PSD3: variants seen among roughly 807,000 people sequenced by gnomAD.
PSD3 encodes pleckstrin and Sec7 domain containing 3.
Under a neutral mutation model 105.5 loss-of-function variants are expected in PSD3, and 49 were observed. The ratio of observed to expected loss-of-function variants is 0.46; its 90% CI spans 0.37 to 0.59. PSD3 has a LOEUF of 0.59. Among genes scored for constraint, PSD3 ranks in the 20% least tolerant of loss-of-function variants. The pLI, the probability that PSD3 is intolerant of heterozygous loss-of-function variation, is 0.00. For missense variants in PSD3, 1,561 were observed against 1,263.8 expected (o/e 1.24, Z -3.57); for synonymous variants, 557 against 457.8 (o/e 1.22, Z -2.77).
rs193085705 is a variant in PSD3, at chr8:18,867,441, T to C, written c.1634+233A>G. 1.5e-3 allele frequency among the ~76,000 whole-genome samples: 225 copies of C among 152,310 alleles called. 2 individuals are homozygous for C. The highest frequency in any genetic ancestry group is 2.5e-3 in the Non-Finnish European group (167 of 68,034). ...ATATTTGTTTGGTATCCAATTTATA[T>C]ATAGTCATCCAGGAAATCCCACAGA... On this transcript the variant is annotated intron_variant, in intron 4 of 15. Coordinates refer to ENST00000327040, the MANE Select transcript of PSD3 (RefSeq NM_015310.4).
In PSD3 at chr8:18,810,513, C is replaced by T. The variant is rs200265706; in HGVS notation, c.1635-5615G>A. On this transcript the variant is annotated intron_variant, in intron 4 of 15. Transcript: ENST00000327040. ...ACAGTATACTATTGCCCGTTTCATACAGGCAATAGTATACTTTGAATTTAA... is the reference window on the plus strand; with the variant it reads ...ACAGTATACTATTGCCCGTTTCATATAGGCAATAGTATACTTTGAATTTAA... Among the ~76,000 whole-genome samples, 3 of 152,056 alleles carry T rather than the reference C, an allele frequency of 2.0e-5. No homozygotes were observed. In the East Asian group the frequency reaches 5.8e-4, roughly 29 times the overall value.
intron 9 of PSD3, among the ~76,000 whole-genome samples, chr8:18,762,160 G>C (rs971122928): frequency 6.6e-6 from 1 of 152,148 alleles, no homozygotes; most frequent in Non-Finnish European, 1.5e-5. Context: ...TGGATCAGGA[G>C]GGCGGAGCTC....
At chr8:19,001,102 A>AAT (rs1826359107) in intron 1 of PSD3, 1 of 48,314 alleles carries the variant, frequency 2.1e-5, no homozygotes, top group Admixed American at 2.9e-4. Flanking sequence ...TTTTAAAATG[A>AAT]CTTTTTTTTT....
At chr8:19,084,425 C>A (rs1451643875) in exon 1 of PSD3, 1 of 456,062 alleles carries the variant, frequency 2.2e-6, no homozygotes, top group Non-Finnish European at 4.4e-6. Context: ...GGGAGCATCC[C>A]AAGGCATCCC....
chr8:18,861,341 AG>A (rs138230615), intron 4 of PSD3, among the ~76,000 whole-genome samples: 4,077 of 152,178 alleles, frequency 0.027, 190 homozygotes, highest in African/African-American at 0.093. Flanking sequence ...CTCCTGTGTG[AG>A]CCCCTCCTCA....
intron 11 of PSD3, among the ~76,000 whole-genome samples, chr8:18,613,153 C>T (rs550241312): frequency 6.6e-6 from 1 of 152,184 alleles, no homozygotes; most frequent in South Asian, 2.1e-4. Context: ...CAGGAGGCAG[C>T]CAAGGACCCC....
intron 4 of PSD3, among the ~76,000 whole-genome samples, chr8:18,856,933 T>G (rs924685132): frequency 1.3e-5 from 2 of 152,214 alleles, no homozygotes; most frequent in East Asian, 3.8e-4. Context: ...AGTAAATGAC[T>G]TAGACAGAGA....
At chr8:18,716,936 G>T (rs1356847321) in intron 9 of PSD3, among the ~76,000 whole-genome samples, 1 of 152,184 alleles carries the variant, frequency 6.6e-6, no homozygotes, top group African/African-American at 2.4e-5. Flanking sequence ...AGTAGCCAAA[G>T]GTAGCAGGCC....
At chr8:18,942,594 T>C (rs1488747678) in intron 1 of PSD3, among the ~76,000 whole-genome samples, 2 of 152,072 alleles carry the variant, frequency 1.3e-5, no homozygotes, top group African/African-American at 4.8e-5. Context: ...ATCAGTAGAG[T>C]GTGTCCTAAC....
intron 4 of PSD3, among the ~76,000 whole-genome samples, chr8:18,836,209 C>CA (rs1043628338): frequency 5.9e-5 from 9 of 152,284 alleles, no homozygotes; most frequent in East Asian, 1.9e-4. Context: ...ACCCTGAACT[C>CA]ACGTTTGATG....
chr8:18,552,832 C>T (rs1800853929), intron 15 of PSD3, among the ~76,000 whole-genome samples: 2 of 152,102 alleles, frequency 1.3e-5, no homozygotes, highest in Admixed American at 6.5e-5. Context: ...AGTAACATCC[C>T]TTCGCTTAGA....
At chr8:19,028,383 CT>C (rs1827642444) in intron 1 of PSD3, among the ~76,000 whole-genome samples, 1 of 138,110 alleles carries the variant, frequency 7.2e-6, no homozygotes, top group Non-Finnish European at 1.5e-5. Context: ...GTTGGAGTCT[CT>C]CTCTGTTGTC....
intron 11 of PSD3, among the ~76,000 whole-genome samples, chr8:18,601,238 G>GC (rs377698373): frequency 6.6e-6 from 1 of 152,234 alleles, no homozygotes; most frequent in East Asian, 1.9e-4. Context: ...TTGTTCTAAA[G>GC]CAAAAAGCAA....
chr8:19,004,784 T>C (rs1826573450), intron 1 of PSD3, among the ~76,000 whole-genome samples: 1 of 151,944 alleles, frequency 6.6e-6, no homozygotes, highest in South Asian at 2.1e-4. Context: ...GGGTGAGTCT[T>C]TCCAATGCTG....
intron 2 of PSD3, among the ~76,000 whole-genome samples, chr8:18,929,939 A>C (rs954703759): frequency 3.3e-5 from 5 of 152,234 alleles, no homozygotes; most frequent in African/African-American, 1.2e-4. Flanking sequence ...CTATAAATAA[A>C]ACTATAAAAA....
chr8:18,880,750 T>C (rs1818051689), intron 2 of PSD3, among the ~76,000 whole-genome samples: 1 of 152,234 alleles, frequency 6.6e-6, no homozygotes, highest in Non-Finnish European at 1.5e-5. Flanking sequence ...AAGAATCCAC[T>C]GAAAACATTT....
At chr8:18,882,952 TAC>T (rs1818214693) in intron 2 of PSD3, among the ~76,000 whole-genome samples, 1 of 152,136 alleles carries the variant, frequency 6.6e-6, no homozygotes, top group South Asian at 2.1e-4. Context: ...TATCTGTCTA[TAC>T]ACAGAGAACA....
intron 10 of PSD3, among the ~76,000 whole-genome samples, chr8:18,653,079 A>G (rs1808631465): frequency 6.6e-6 from 1 of 152,224 alleles, no homozygotes; most frequent in Non-Finnish European, 1.5e-5. Flanking sequence ...TGTTTGAGCT[A>G]GCATTCATTC....
At chr8:18,792,241 T>C (rs1809790422) in intron 8 of PSD3, among the ~76,000 whole-genome samples, 1 of 152,176 alleles carries the variant, frequency 6.6e-6, no homozygotes, top group Non-Finnish European at 1.5e-5. Flanking sequence ...ACAGAAATCA[T>C]TCTGTTATAA....
Sources: gnomAD v4.1 joint callset for allele counts (sites outside exome capture counted in the v4.1 genomes callset) on GRCh38, gnomAD v4.1.1 for gene constraint, MANE v1.5 for transcripts, NCBI Gene and HGNC (gene_info 2026-07-23, HGNC 2026-07-21) for gene names.